LPA: variants seen among roughly 807,000 people sequenced by gnomAD.
The protein encoded by LPA is apolipoprotein(a).
LPA carries 199 observed loss-of-function variants against 197.9 expected under a neutral mutation model. The observed-to-expected ratio is 1.01, with a 90% CI of 0.90 to 1.13. The LOEUF (loss-of-function observed/expected upper bound fraction) is 1.13, where lower values mean the gene tolerates loss of function less well. Ranked by LOEUF, LPA falls within the 50% of genes most tolerant of loss-of-function variation. The pLI is 0.00. For missense variants in LPA, 1,853 were observed against 1,785.8 expected (o/e 1.04, Z -0.68); for synonymous variants, 715 against 639.5 (o/e 1.12, Z -1.78).
chr6:160,610,938 G>A (rs1243581248), intron 16 of LPA, among the ~76,000 whole-genome samples: 1 of 152,110 alleles, frequency 6.6e-6, no homozygotes, highest in African/African-American at 2.4e-5. Context: ...TGGCCATGGG[G>A]TGGTCAGACC....
At position 160,586,438 on chromosome 6, in the gene LPA, A is replaced by T. The variant is rs777312045; in HGVS notation, c.4129+11T>A. 3.1e-6 allele frequency: 5 copies of T among 1,613,260 alleles called. No individual in the cohort carries two copies. In the East Asian group the frequency reaches 1.1e-4, roughly 36 times the overall value. ...TCCGAGGGTATGGTTGTCTGACTGC[A>T]GGCTTCTTACCTTCTTCAGAAGGAA... On this transcript the variant is annotated intron_variant, in intron 25 of 38. Coordinates refer to ENST00000316300, the MANE Select transcript of LPA (RefSeq NM_005577.4).
chr6:160,592,116 T>C (rs1039403719), intron 22 of LPA, among the ~76,000 whole-genome samples: 6 of 152,204 alleles, frequency 3.9e-5, no homozygotes, highest in African/African-American at 1.4e-4. Context: ...TTCTGTCACA[T>C]TATCTTTTTC....
chr6:160,578,767 C>A, intron 26 of LPA, 63 bp from the exon 27 acceptor site: 5 of 1,611,614 alleles, frequency 3.1e-6, no homozygotes, highest in Non-Finnish European at 4.2e-6. Context: ...CACTTAGCGC[C>A]CTCTACATTT....
At position 160,611,584 on chromosome 6, in the gene LPA, T is replaced by A. The variant is rs748769893; in HGVS notation, c.2581A>T (p.Thr861Ser). ...TACGCATTTGGGTAGTATTCTGGGG[T>A]CCGACTATGCGAGTGTGGTGTCATA... ...SSMTPHSHSRTPEYYPNAGLI... is the reference protein window; with the variant it reads ...SSMTPHSHSRSPEYYPNAGLI... The change falls in exon 16 of 39, where the codon ACC becomes TCC. Residue 861 changes from threonine to serine, a missense_variant. This residue lies in a region of LPA where 1,737 missense variants were observed against 1,504.4 expected (regional missense o/e 1.15). Transcript: ENST00000316300. The A allele has an allele frequency of 1.2e-6, 2 of 1,604,974 alleles. No individual in the cohort carries two copies. The highest frequency in any genetic ancestry group is 8.5e-7 in the Non-Finnish European group (1 of 1,178,934).
At chr6:160,573,609 G>T (rs768196020) in intron 28 of LPA, among the ~76,000 whole-genome samples, 1 of 152,172 alleles carries the variant, frequency 6.6e-6, no homozygotes, top group Non-Finnish European at 1.5e-5. Context: ...TTTATCCCAT[G>T]GGGTGTTCCC....
At chr6:160,568,706 T>G (rs1778508213) in intron 28 of LPA, among the ~76,000 whole-genome samples, 1 of 152,226 alleles carries the variant, frequency 6.6e-6, no homozygotes. Flanking sequence ...TGTCCCTGTT[T>G]GCAGATGACA....
At chr6:160,553,907 CTCTCTCTCTCTT>C (rs1383822922) in intron 30 of LPA, among the ~76,000 whole-genome samples, 11 of 145,492 alleles carry the variant, frequency 7.6e-5, no homozygotes, top group African/African-American at 2.7e-4. Flanking sequence ...TTCAGCCTTT[CTCTCTCTCTCTT>C]TCTCTCTCTC....
chr6:160,532,395 G>A, intron 38 of LPA, 136 bp downstream of exon 38: 2 of 758,942 alleles, frequency 2.6e-6, no homozygotes, highest in South Asian at 1.4e-5. Context: ...CAGATCTGGG[G>A]AGTTTCTGAG....
intron 16 of LPA, among the ~76,000 whole-genome samples, chr6:160,606,925 C>T (rs1193997415): frequency 6.6e-6 from 1 of 152,052 alleles, no homozygotes; most frequent in African/African-American, 2.4e-5. Context: ...TACACGTGGG[C>T]AAAAAACGAT....
chr6:160,554,638 T>C (rs954170323), intron 30 of LPA, among the ~76,000 whole-genome samples: 3 of 152,160 alleles, frequency 2.0e-5, no homozygotes, highest in African/African-American at 7.2e-5. Context: ...ACGTGAGCTC[T>C]GGCGTCACCA....
chr6:160,574,163 T>G (rs1383973130), intron 28 of LPA, among the ~76,000 whole-genome samples: 4 of 151,996 alleles, frequency 2.6e-5, no homozygotes, highest in Admixed American at 6.6e-5. Flanking sequence ...TCATCTGAGT[T>G]GTCGGGGAAG....
intron 28 of LPA, among the ~76,000 whole-genome samples, chr6:160,562,597 A>G (rs1439411662): frequency 6.6e-6 from 1 of 152,242 alleles, no homozygotes; most frequent in Non-Finnish European, 1.5e-5. Flanking sequence ...TGAGTTAGGC[A>G]GGAGTCCCTC....
rs372776354 is a variant in LPA, at chr6:160,585,069, C to A, written c.4266G>T (p.Arg1422Ser). 2.5e-6 allele frequency: 4 copies of A among 1,613,630 alleles called. No individual in the cohort carries two copies. The highest frequency in any genetic ancestry group is 1.3e-5 in the African/African-American group (1 of 74,854). Residue 1422 changes from arginine (R) to serine (S), a missense_variant, in exon 26 of 39, where the codon AGG becomes AGT. This residue lies in a region of LPA where 1,737 missense variants were observed against 1,504.4 expected (regional missense o/e 1.15). Coordinates refer to ENST00000316300, the MANE Select transcript of LPA (RefSeq NM_005577.4). ...ACGCATTTGGATAGTATAATGGGAT[C>A]CTCCGATGCCAATGTGGTGTCATAG... ...WSSMTPHWHR[R>S]IPLYYPNAGL...
chr6:160,537,429 C>G (rs976047098), intron 37 of LPA, among the ~76,000 whole-genome samples: 22 of 152,264 alleles, frequency 1.4e-4, no homozygotes, highest in Non-Finnish European at 2.4e-4. Flanking sequence ...CTGTTTTGCA[C>G]CATGTTTAGA....
intron 30 of LPA, among the ~76,000 whole-genome samples, chr6:160,551,745 G>T (rs757875623): frequency 7.9e-5 from 12 of 152,114 alleles, no homozygotes; most frequent in Non-Finnish European, 1.5e-4. Context: ...CTTTTGTTTT[G>T]TATCATGGAT....
intron 28 of LPA, among the ~76,000 whole-genome samples, chr6:160,568,853 G>A (rs1778510946): frequency 6.6e-6 from 1 of 152,082 alleles, no homozygotes; most frequent in African/African-American, 2.4e-5. Flanking sequence ...CATGTCCTTT[G>A]TAGGGACATG....
At position 160,531,624 on chromosome 6, in the gene LPA, A is replaced by G; in HGVS notation, c.*105T>C. 6.8e-7 allele frequency: 1 copy of G among 1,479,524 alleles called. No homozygotes were observed. The highest frequency in any genetic ancestry group is 1.4e-5 in the African/African-American group (1 of 71,984). The allele number at this position is 1,479,524 out of a possible 1,614,324, so 91.6% of individuals were successfully genotyped here. A position where few individuals can be genotyped will look rare whatever the true frequency, so the allele number is the denominator to read the frequency against. ...AGGTTTGGCATAGCTGGTAGCTGGG[A>G]ACAGTGTCTTCGTTTGATTGCTGTC... is the stretch of plus-strand genomic sequence containing the variant. On this transcript the variant is annotated 3_prime_UTR_variant, in exon 39 of 39. Coordinates refer to ENST00000316300, the MANE Select transcript of LPA (RefSeq NM_005577.4).
intron 14 of LPA, among the ~76,000 whole-genome samples, chr6:160,615,370 G>GTGTGTT (rs1779577240): frequency 7.5e-6 from 1 of 133,418 alleles, no homozygotes; most frequent in African/African-American, 2.9e-5. Flanking sequence ...GTGTGTGTGT[G>GTGTGTT]TGTGTGTGTG....
In LPA at chr6:160,591,063, T is replaced by C; in HGVS notation, c.3668A>G (p.Glu1223Gly). Residue 1223 changes from glutamate (E) to glycine (G), a missense_variant, in exon 23 of 39, where the codon GAG (glutamate) becomes GGG (glycine). Glu to Gly is a moderately conservative substitution (Grantham distance 98, BLOSUM62 -2). This residue lies in a region of LPA where 1,737 missense variants were observed against 1,504.4 expected (regional missense o/e 1.15). Coordinates refer to ENST00000316300, the MANE Select transcript of LPA (RefSeq NM_005577.4). ...TRNYCRNPDA[E>G]ISPWCYTMDP... ...CATGGTATAACACCAAGGACTAATC[T>C]CAGCATCTGGATTCCTGCAGTAGTT... 6.2e-7 allele frequency: 1 copy of C among 1,613,872 alleles called. No individual in the cohort carries two copies. Among genetic ancestry groups the C allele is most frequent in the Non-Finnish European group, 8.5e-7 (1 of 1,179,910 alleles).
Sources: gnomAD v4.1 joint callset for allele counts (sites outside exome capture counted in the v4.1 genomes callset) on GRCh38, gnomAD v4.1.1 for gene constraint, gnomAD v4.1.1 regional missense constraint, MANE v1.5 for transcripts, NCBI Gene and HGNC (gene_info 2026-07-23, HGNC 2026-07-21) for gene names.